The following FAT4 variants were observed in gnomAD, a reference collection of about 807,000 sequenced individuals.
The protein encoded by FAT4 is FAT atypical cadherin 4.
A neutral mutation model predicts 303.9 loss-of-function variants in FAT4; 84 were observed. The ratio of observed to expected loss-of-function variants is 0.28; its 90% CI spans 0.23 to 0.33. The LOEUF is 0.33. Among genes scored for constraint, FAT4 ranks in the 10% least tolerant of loss-of-function variants. The pLI, the probability that FAT4 is intolerant of heterozygous loss-of-function variation, is 1.00. For missense variants in FAT4, 6,005 were observed against 6,146.8 expected, an observed-to-expected ratio of 0.98 and a Z score of 0.77; for synonymous variants, 2,307 against 2,298.8, an observed-to-expected ratio of 1.00 and a Z score of -0.10.
chr4:125,383,347 T>G (rs1733611187), intron 2 of FAT4, among the ~76,000 whole-genome samples: 1 of 152,156 alleles, frequency 6.6e-6, no homozygotes, highest in East Asian at 1.9e-4. Flanking sequence ...TCCATATTGT[T>G]GTTCTCAGGA....
chr4:125,472,089 A>G lies in FAT4; in HGVS notation c.12213+3270A>G, dbSNP rs3034212. On this transcript the variant is annotated intron_variant, in intron 12 of 17. Coordinates refer to ENST00000394329, the MANE Select transcript of FAT4 (RefSeq NM_001291303.3). ...CTCTGTCTCAAAAAAAAAAAAAAAA[A>G]GGGTAGTTACTGGTAAGATTTATAA... Among the ~76,000 whole-genome samples the G allele has an allele frequency of 1.9e-3, 261 of 138,040 alleles. 7 individuals are homozygous for G. The highest frequency in any genetic ancestry group is 4.3e-3 in the African/African-American group (161 of 37,566). 90.6% of individuals were successfully genotyped at this position (138,040 alleles called of 152,430 possible).
At chr4:125,337,041 A>C (rs557532581) in intron 2 of FAT4, among the ~76,000 whole-genome samples, 1 of 151,982 alleles carries the variant, frequency 6.6e-6, no homozygotes. Flanking sequence ...GTAGAGCGCC[A>C]TTTGAGTTCA....
intron 7 of FAT4, among the ~76,000 whole-genome samples, chr4:125,417,102 A>G (rs758970646): frequency 2.6e-5 from 4 of 152,142 alleles, no homozygotes; most frequent in Non-Finnish European, 5.9e-5. Flanking sequence ...ACTTTATGAC[A>G]TTTATATATA....
chr4:125,482,234 C>T (rs1727255829), intron 16 of FAT4, among the ~76,000 whole-genome samples: 1 of 152,134 alleles, frequency 6.6e-6, no homozygotes, highest in Non-Finnish European at 1.5e-5. Context: ...ATTCAATTCT[C>T]TATATAAACT....
chr4:125,440,610 T>TGTGTGTGTGTGTGTGAGAGAGA (rs372756130), intron 8 of FAT4, among the ~76,000 whole-genome samples: 12 of 75,750 alleles, frequency 1.6e-4, no homozygotes, highest in Admixed American at 6.9e-4. Context: ...TGTGTGTGTG[T>TGTGTGTGTGTGTGTGAGAGAGA]GAGAGAGAGA....
rs1235002181 is a variant in FAT4, at chr4:125,490,700, C to T, written c.13884C>T (p.Ser4628=). 1 of 1,614,048 alleles carries T rather than the reference C, an allele frequency of 6.2e-7. No individual in the cohort carries two copies. The highest frequency in any genetic ancestry group is 1.3e-5 in the African/African-American group (1 of 74,920). The stretch of plus-strand genomic sequence containing the variant: ...AGCACTATGACATTGACAACGCCAG[C>T]AGCATCGCCCCTTCGGATGCAGACA... The part of the protein sequence containing the change: ...EIEHYDIDNA[S]SIAPSDADII... Residue 4628 remains serine (S), a synonymous_variant, in exon 18 of 18, where the codon AGC becomes AGT. Transcript: ENST00000394329.
chr4:125,432,178 G>T (rs773593952), intron 7 of FAT4, among the ~76,000 whole-genome samples: 5 of 152,068 alleles, frequency 3.3e-5, no homozygotes, highest in Non-Finnish European at 5.9e-5. Context: ...GACCCCCAAA[G>T]CAGCGCAGGA....
Position 125,485,728 on chromosome 4 carries a change from T to G in FAT4, c.12823-1617T>G, listed in dbSNP as rs531075865. On this transcript the variant is annotated intron_variant, in intron 16 of 17. Coordinates refer to ENST00000394329, the MANE Select transcript of FAT4 (RefSeq NM_001291303.3). Reference sequence around the variant, plus strand: ...GTAGTAAATGCATAAACCACTAATATAGTCATTTATTATCAAATTGCATGT... The same window carrying G: ...GTAGTAAATGCATAAACCACTAATAGAGTCATTTATTATCAAATTGCATGT... Among the ~76,000 whole-genome samples, 28 of 152,278 alleles carry G rather than the reference T, an allele frequency of 1.8e-4. No homozygotes were observed. In the South Asian group the frequency reaches 5.8e-3, roughly 32 times the overall value.
chr4:125,328,281 T>C (rs1406296266), intron 2 of FAT4, among the ~76,000 whole-genome samples: 1 of 152,172 alleles, frequency 6.6e-6, no homozygotes, highest in African/African-American at 2.4e-5. Flanking sequence ...ACACATGTAA[T>C]TATATATTAA....
chr4:125,455,138 T>C (rs980622924), intron 10 of FAT4, among the ~76,000 whole-genome samples: 1 of 151,918 alleles, frequency 6.6e-6, no homozygotes, highest in Non-Finnish European at 1.5e-5. Context: ...ACAATAAGAG[T>C]TTTTATATTC....
Position 125,316,987 on chromosome 4 carries a change from C to T in FAT4, c.576C>T (p.Asn192=). ...AGRFRLDITL[N]PSGEGAFLHL... ...GCTTCCGTCTGGACATCACCCTGAA[C>T]CCGAGCGGCGAGGGAGCGTTCCTGC... Residue 192 remains asparagine (N), a synonymous_variant, in exon 2 of 18, where the codon AAC becomes AAT. Coordinates refer to ENST00000394329, the MANE Select transcript of FAT4 (RefSeq NM_001291303.3). The surrounding 1 kb of genome is among the most constrained non-coding windows in gnomAD (Gnocchi z 5.7). 1 of 1,613,996 alleles carries T rather than the reference C, an allele frequency of 6.2e-7. No homozygotes were observed. The highest frequency in any genetic ancestry group is 8.5e-7 in the Non-Finnish European group (1 of 1,180,034).
rs75469760 is a variant in FAT4, at chr4:125,490,421, G to A, written c.13605G>A (p.Lys4535=). ...LILCNQCRGK[K]AKNPKEEKKP... ...TGTGTAACCAGTGCAGGGGGAAGAA[G>A]GCCAAAAATCCCAAAGAGGAGAAGA... Residue 4535 remains lysine, a synonymous_variant, in exon 18 of 18, where the codon AAG becomes AAA. Coordinates refer to ENST00000394329, the MANE Select transcript of FAT4 (RefSeq NM_001291303.3). 21,831 of 1,614,098 alleles carry A rather than the reference G, an allele frequency of 0.014. 202 individuals carry two copies. The highest frequency in any genetic ancestry group is 0.017 in the Middle Eastern group (101 of 6,062).
Position 125,406,914 on chromosome 4 carries a change from G to A in FAT4, c.5342G>A (p.Ser1781Asn). 6.2e-7 allele frequency: 1 copy of A among 1,613,810 alleles called. No individual in the cohort carries two copies. Residue 1781 changes from serine (S) to asparagine (N), a missense_variant, in exon 4 of 18, where the codon AGT becomes AAT. Physicochemically the swap from Ser to Asn is conservative, Grantham distance 46. Transcript: ENST00000394329. Reference sequence around the variant, plus strand: ...GCTCTCGTCACATACACTATCATTAGTGGAGCTGATGATAGTTTTCGCATC... The same window carrying A: ...GCTCTCGTCACATACACTATCATTAATGGAGCTGATGATAGTTTTCGCATC... ...ANALVTYTIISGADDSFRIDP... is the reference protein window; with the variant it reads ...ANALVTYTIINGADDSFRIDP...
intron 2 of FAT4, among the ~76,000 whole-genome samples, chr4:125,361,171 A>G (rs903733522): frequency 3.3e-5 from 5 of 152,032 alleles, no homozygotes; most frequent in East Asian, 1.9e-4. Flanking sequence ...TTAGATCTCA[A>G]TTCTCTCCTG....
chr4:125,414,759 T>C (rs1578616197), intron 5 of FAT4, 125 bp from the exon 6 acceptor site: 2 of 631,336 alleles, frequency 3.2e-6, no homozygotes, highest in African/African-American at 3.7e-5. Flanking sequence ...GTTCACAGGA[T>C]TTCCTAAAGT....
chr4:125,465,850 A>C (rs1040511420), intron 11 of FAT4, among the ~76,000 whole-genome samples: 22 of 152,220 alleles, frequency 1.4e-4, no homozygotes, highest in African/African-American at 5.1e-4. Flanking sequence ...AAGAAAACAA[A>C]AATCACTGAA....
At chr4:125,378,993 G>C (rs567810151) in intron 2 of FAT4, among the ~76,000 whole-genome samples, 6 of 150,632 alleles carry the variant, frequency 4.0e-5, no homozygotes, top group African/African-American at 1.5e-4. Flanking sequence ...ATAAAAAAAG[G>C]TGCATCACGT....
In FAT4 at chr4:125,491,410, A is replaced by G. The variant is rs1330333732; in HGVS notation, c.14594A>G (p.Tyr4865Cys). ...TATGACAGGGAGAAGCCAATGGTAT[A>G]TACTTCCAGAATGCCCAAATTATCT... The part of the protein sequence containing the change: ...MEYDREKPMV[Y>C]TSRMPKLSQV... Residue 4865 changes from tyrosine to cysteine, a missense_variant, in exon 18 of 18, where the codon TAT becomes TGT. Coordinates refer to ENST00000394329, the MANE Select transcript of FAT4 (RefSeq NM_001291303.3). The G allele has an allele frequency of 2.5e-6, 4 of 1,614,048 alleles. No individual in the cohort carries two copies. Among genetic ancestry groups the G allele is most frequent in the South Asian group, 1.1e-5 (1 of 91,090 alleles).
At chr4:125,364,156 T>G (rs1354132455) in intron 2 of FAT4, among the ~76,000 whole-genome samples, 2 of 151,978 alleles carry the variant, frequency 1.3e-5, no homozygotes, top group Non-Finnish European at 2.9e-5. Flanking sequence ...CTCTCTTCTC[T>G]CCACCCCATG....
Sources: allele counts gnomAD v4.1 joint callset (sites outside exome capture counted in the v4.1 genomes callset), GRCh38; gene constraint gnomAD v4.1.1; non-coding constraint Gnocchi (gnomAD v3.1); transcripts MANE v1.5; gene names NCBI Gene and HGNC (gene_info 2026-07-23, HGNC 2026-07-21).